Variants in DISP1 observed in about 807,000 individuals in gnomAD.
DISP1 encodes the protein dispatched RND transporter family member 1, also known as protein dispatched homolog 1.
DISP1 carries 30 observed loss-of-function variants against 37.3 expected under a neutral mutation model. That is an observed-to-expected ratio of 0.80 (90% CI 0.60 to 1.09). The LOEUF (loss-of-function observed/expected upper bound fraction) is 1.09. Among genes scored for constraint, DISP1 ranks in the 50% least tolerant of loss-of-function variants. The pLI is 0.00. For synonymous variants in DISP1, 634 were observed against 690.2 expected, an observed-to-expected ratio of 0.92 and a Z score of 1.28; for missense variants, 1,598 against 1,879.5, an observed-to-expected ratio of 0.85 and a Z score of 2.77.
At chr1:222,890,773 C>A (rs998423131) in intron 1 of DISP1, among the ~76,000 whole-genome samples, 1 of 152,036 alleles carries the variant, frequency 6.6e-6, no homozygotes, top group Non-Finnish European at 1.5e-5. Context: ...AGAATCTGTT[C>A]CATGCCTCTC....
At chr1:222,854,060 A>G (rs1232604525) in intron 1 of DISP1, among the ~76,000 whole-genome samples, 2 of 152,332 alleles carry the variant, frequency 1.3e-5, no homozygotes, top group East Asian at 3.9e-4. Flanking sequence ...GCCTTGAAAC[A>G]TATAAAATTT....
intron 3 of DISP1, among the ~76,000 whole-genome samples, chr1:222,963,600 A>T (rs987834904): frequency 2.0e-5 from 3 of 152,184 alleles, no homozygotes; most frequent in Non-Finnish European, 2.9e-5. Context: ...AAGGAACAAG[A>T]TCATGTCCTT....
intron 1 of DISP1, among the ~76,000 whole-genome samples, chr1:222,855,251 C>G (rs374317533): frequency 6.6e-6 from 1 of 152,308 alleles, no homozygotes; most frequent in South Asian, 2.1e-4. Context: ...CCCTCTGCCC[C>G]TCTCACACAA....
intron 1 of DISP1, among the ~76,000 whole-genome samples, chr1:222,926,400 T>C (rs77867624): frequency 0.022 from 3,310 of 152,322 alleles, 51 homozygotes; most frequent in Middle Eastern, 0.048. Flanking sequence ...GGTTTTTGTA[T>C]GAACATATTT....
At chr1:222,881,453 C>T (rs923082428) in intron 1 of DISP1, among the ~76,000 whole-genome samples, 2 of 152,206 alleles carry the variant, frequency 1.3e-5, no homozygotes, top group African/African-American at 4.8e-5. Flanking sequence ...GCTTCGGCCT[C>T]CCAAAGTGCT....
chr1:222,862,476 T>C (rs1668933774), intron 1 of DISP1, among the ~76,000 whole-genome samples: 1 of 151,920 alleles, frequency 6.6e-6, no homozygotes, highest in South Asian at 2.1e-4. Context: ...AACATTGATA[T>C]AATATTTTCT....
At chr1:222,856,956 G>A (rs568348889) in intron 1 of DISP1, among the ~76,000 whole-genome samples, 31 of 151,964 alleles carry the variant, frequency 2.0e-4, no homozygotes, top group South Asian at 1.5e-3. Context: ...TGCCTGCCTC[G>A]GCCTCCCAAA....
intron 1 of DISP1, among the ~76,000 whole-genome samples, chr1:222,875,702 C>G (rs1322336982): frequency 1.3e-5 from 2 of 149,450 alleles, no homozygotes; most frequent in Admixed American, 6.7e-5. Flanking sequence ...TGGCGCATGC[C>G]TGTAATCCCA....
rs2102796482 is a variant in DISP1 at position 223,002,751 on chromosome 1, A to T, written c.1354A>T (p.Ser452Cys). 6.2e-7 allele frequency: 1 copy of T among 1,614,216 alleles called. No homozygotes were observed. The highest frequency in any genetic ancestry group is 8.5e-7 in the Non-Finnish European group (1 of 1,180,044). Residue 452 changes from serine to cysteine, a missense_variant, in exon 9 of 9, where the codon AGC becomes TGC. Transcript: ENST00000675850. ...CTATGCCACGCCAGCTTTAAAATAC[A>T]GCATGCTCTTCTCTCCCACAGAGAA... ...ADYATPALKY[S>C]MLFSPTEKGE...
At chr1:222,904,560 T>C (rs976671241) in intron 1 of DISP1, among the ~76,000 whole-genome samples, 4 of 149,624 alleles carry the variant, frequency 2.7e-5, no homozygotes, top group African/African-American at 9.7e-5. Flanking sequence ...TCTTTTTTTT[T>C]ATTTTTTTAT....
Position 222,992,096 on chromosome 1 carries a change from T to C in DISP1, c.875T>C (p.Phe292Ser), listed in dbSNP as rs760566329. 6.2e-7 allele frequency: 1 copy of C among 1,613,482 alleles called. No individual in the cohort carries two copies. ...TGGAACTTCCACAAGGACAGCTTTT[T>C]CTGCGACGTTCCAAGTGAGTGACAT... ...VDWNFHKDSF[F>S]CDVPSDRYSR... The change falls in exon 7 of 9, where the codon TTC becomes TCC. Residue 292 changes from phenylalanine (F) to serine (S), a missense_variant. Coordinates refer to ENST00000675850, the MANE Select transcript of DISP1 (RefSeq NM_001377229.1).
intron 1 of DISP1, among the ~76,000 whole-genome samples, chr1:222,825,403 C>T (rs1664090667): frequency 6.6e-6 from 1 of 151,618 alleles, no homozygotes; most frequent in African/African-American, 2.4e-5. Flanking sequence ...AAAAGAAAGT[C>T]AAATGCAAAC....
chr1:222,847,814 A>G (rs960559955), intron 1 of DISP1, among the ~76,000 whole-genome samples: 1 of 152,150 alleles, frequency 6.6e-6, no homozygotes, highest in Non-Finnish European at 1.5e-5. Context: ...AATTAGCCCA[A>G]TGGTTAAAAA....
At chr1:222,936,631 C>CATATATATGAGGTATATATA (rs1673765494) in intron 2 of DISP1, among the ~76,000 whole-genome samples, 2 of 102,754 alleles carry the variant, frequency 1.9e-5, no homozygotes, top group Non-Finnish European at 3.6e-5. Flanking sequence ...ATATATCTCT[C>CATATATATGAGGTATATATA]ATATATATGA....
intron 1 of DISP1, among the ~76,000 whole-genome samples, chr1:222,885,965 A>G (rs1381922046): frequency 6.6e-6 from 1 of 152,088 alleles, no homozygotes; most frequent in African/African-American, 2.4e-5. Context: ...ATATAAAAGC[A>G]TCACGATTTT....
intron 1 of DISP1, among the ~76,000 whole-genome samples, chr1:222,918,553 AT>A (rs1477588432): frequency 6.6e-6 from 1 of 152,124 alleles, no homozygotes; most frequent in African/African-American, 2.4e-5. Context: ...GAATCGAGGG[AT>A]TTGGAAGTAC....
At chr1:223,000,711 C>A (rs1489986309) in intron 8 of DISP1, among the ~76,000 whole-genome samples, 1 of 152,026 alleles carries the variant, frequency 6.6e-6, no homozygotes, top group Non-Finnish European at 1.5e-5. Flanking sequence ...AGGATTAGTC[C>A]CAGGAAAGTA....
At chr1:222,937,211 T>A (rs1184232184) in intron 2 of DISP1, among the ~76,000 whole-genome samples, 2 of 150,478 alleles carry the variant, frequency 1.3e-5, no homozygotes, top group Non-Finnish European at 1.5e-5. Context: ...TGCCTCAGCC[T>A]CCTGAGTCGC....
intron 1 of DISP1, among the ~76,000 whole-genome samples, chr1:222,896,552 G>T (rs1240045454): frequency 6.6e-6 from 1 of 151,368 alleles, no homozygotes; most frequent in East Asian, 1.9e-4. Context: ...AGTGAGCTGA[G>T]ATCGCACCAT....
Sources: allele counts gnomAD v4.1 joint callset (sites outside exome capture counted in the v4.1 genomes callset), GRCh38; gene constraint gnomAD v4.1.1; transcripts MANE v1.5; gene names NCBI Gene and HGNC (gene_info 2026-07-23, HGNC 2026-07-21).